The following HHAT variants were observed in gnomAD, a reference collection of about 807,000 sequenced individuals.
HHAT encodes the protein protein-cysteine N-palmitoyltransferase HHAT.
HHAT carries 47 observed loss-of-function variants against 70.8 expected under a neutral mutation model. The observed-to-expected ratio is 0.66, with a 90% CI of 0.53 to 0.85. HHAT has a LOEUF of 0.85. HHAT is among the 40% of genes least tolerant of loss of function. The pLI, the probability that HHAT is intolerant of heterozygous loss-of-function variation, is 0.00. For missense variants in HHAT, 609 were observed against 604.8 expected (o/e 1.01, Z -0.07); for synonymous variants, 228 against 247.6 (o/e 0.92, Z 0.74).
intron 11 of HHAT, among the ~76,000 whole-genome samples, chr1:210,655,809 C>T (rs1676271373): frequency 6.6e-6 from 1 of 152,178 alleles, no homozygotes; most frequent in African/African-American, 2.4e-5. Context: ...GACAAATGCC[C>T]CTCCTCTCCC....
At chr1:210,671,238 T>A (rs2148984542) in intron 11 of HHAT, among the ~76,000 whole-genome samples, 1 of 152,262 alleles carries the variant, frequency 6.6e-6, no homozygotes, top group East Asian at 1.9e-4. Flanking sequence ...TGCTGATGCC[T>A]CACTCCAAAC....
rs2094579831 is a variant in HHAT, at chr1:210,493,282, ATTCATTT to A, written c.1008-19869_1008-19863del. Among the ~76,000 whole-genome samples the A allele has an allele frequency of 2.0e-5, 3 of 152,248 alleles. No homozygotes were observed. In the South Asian group the frequency reaches 6.2e-4, roughly 32 times the overall value. On this transcript the variant is annotated intron_variant, in intron 8 of 11. Coordinates refer to ENST00000261458, the MANE Select transcript of HHAT (RefSeq NM_018194.6). The stretch of plus-strand genomic sequence containing the variant: ...TATACATACATATTTATATATATTT[ATTCATTT>A]TAAATAATTGGCAAATTCAAACTCT...
upstream of HHAT, chr1:210,328,363 C>A: frequency 6.6e-6 from 1 of 152,304 alleles, no homozygotes. Context: ...ATCTTCGTAC[C>A]CATTTTGCAG....
chr1:210,338,455 C>T (rs531805465), intron 1 of HHAT, among the ~76,000 whole-genome samples: 7 of 152,094 alleles, frequency 4.6e-5, no homozygotes, highest in Admixed American at 6.5e-5. Flanking sequence ...AACATTTGAA[C>T]GAGTATTATT....
chr1:210,485,151 A>G (rs1042876669), intron 8 of HHAT, among the ~76,000 whole-genome samples: 9 of 152,208 alleles, frequency 5.9e-5, no homozygotes, highest in Non-Finnish European at 1.0e-4. Context: ...GGAAAGAGAA[A>G]GAACAGAGCT....
At chr1:210,380,106 T>C (rs1463456998) in intron 3 of HHAT, among the ~76,000 whole-genome samples, 1 of 152,252 alleles carries the variant, frequency 6.6e-6, no homozygotes, top group African/African-American at 2.4e-5. Flanking sequence ...ACTCATTGTA[T>C]AATCATTCAA....
intron 9 of HHAT, among the ~76,000 whole-genome samples, chr1:210,575,396 C>G (rs1657465908): frequency 6.6e-6 from 1 of 152,166 alleles, no homozygotes; most frequent in African/African-American, 2.4e-5. Context: ...AGACTCAGCT[C>G]TGCAGCACTA....
intron 7 of HHAT, among the ~76,000 whole-genome samples, chr1:210,427,408 G>A (rs1350908139): frequency 2.6e-5 from 4 of 152,062 alleles, no homozygotes; most frequent in Admixed American, 6.6e-5. Flanking sequence ...TTATTAACTT[G>A]AGATCTTTCT....
rs1047804246 is a variant in HHAT at position 210,427,214 on chromosome 1, CTCTT to C, written c.856+8891_856+8894del. On this transcript the variant is annotated intron_variant, in intron 7 of 11. Transcript: ENST00000261458. ...CTTATTGTGTTCATTTGAATCTTCT[CTCTT>C]TATTAGTCTAGTTAGTGGTCTATTT... is the stretch of plus-strand genomic sequence containing the variant. Among the ~76,000 whole-genome samples, 24 of 152,056 alleles carry C rather than the reference CTCTT, an allele frequency of 1.6e-4. 1 individual carries two copies. Among genetic ancestry groups the C allele is most frequent in the African/African-American group, 4.8e-4 (20 of 41,488 alleles).
At chr1:210,418,032 A>T in intron 6 of HHAT, 122 bp from the exon 7 acceptor site, 9 of 939,472 alleles carry the variant, frequency 9.6e-6, no homozygotes, top group Non-Finnish European at 1.5e-5. Flanking sequence ...AGACAAACCA[A>T]ACCAACCCTC....
chr1:210,387,446 T>A lies in HHAT; in HGVS notation c.160-22T>A, dbSNP rs543982558. On this transcript the variant is annotated intron_variant, in intron 3 of 11. Coordinates refer to ENST00000261458, the MANE Select transcript of HHAT (RefSeq NM_018194.6). ...CAGACGTGTACTGAAATCCCTCTGA[T>A]AAACTATTTTGTCCTATTTAGGATG... 1.8e-5 allele frequency: 29 copies of A among 1,596,432 alleles called. 2 individuals carry two copies. Among genetic ancestry groups the A allele is most frequent in the Non-Finnish European group, 2.1e-5 (25 of 1,163,968 alleles).
At chr1:210,660,723 A>G (rs1039652444) in intron 11 of HHAT, among the ~76,000 whole-genome samples, 2 of 152,168 alleles carry the variant, frequency 1.3e-5, no homozygotes, top group African/African-American at 4.8e-5. Flanking sequence ...AGAGATATAG[A>G]CCAATGGAAC....
At chr1:210,387,318 G>C (rs2091152180) in intron 3 of HHAT, 150 bp from the exon 4 acceptor site, 1 of 653,922 alleles carries the variant, frequency 1.5e-6, no homozygotes, top group Non-Finnish European at 2.7e-6. Context: ...GGAGTGTACA[G>C]GTGGGTGGGG....
At chr1:210,419,597 C>A (rs1191197259) in intron 7 of HHAT, among the ~76,000 whole-genome samples, 1 of 152,176 alleles carries the variant, frequency 6.6e-6, no homozygotes, top group African/African-American at 2.4e-5. Context: ...AGCCTGACTC[C>A]TTCTTTATCT....
intron 8 of HHAT, among the ~76,000 whole-genome samples, chr1:210,493,508 G>A (rs771030367): frequency 2.6e-5 from 4 of 152,090 alleles, no homozygotes; most frequent in Non-Finnish European, 4.4e-5. Context: ...TGATTTAAAT[G>A]TTCATCATAT....
chr1:210,328,937 G>A lies in HHAT; in HGVS notation c.-211G>A, dbSNP rs886850658. The A allele has an allele frequency of 9.0e-7, 1 of 1,109,748 alleles. No homozygotes were observed. The highest frequency in any genetic ancestry group is 3.4e-5 in the South Asian group (1 of 29,154). The allele number at this position is 1,109,748 out of a possible 1,614,324, so 68.7% of individuals were successfully genotyped here. ...GCAGGGGCGTGCTCGGAGGACGCGC[G>A]CTGCGCTGCTCCTCCAAAGGGCAGC... On this transcript the variant is annotated 5_prime_UTR_variant, in exon 1 of 12. Coordinates refer to ENST00000261458, the MANE Select transcript of HHAT (RefSeq NM_018194.6).
chr1:210,529,007 C>T (rs569609692), intron 9 of HHAT, among the ~76,000 whole-genome samples: 2 of 152,138 alleles, frequency 1.3e-5, no homozygotes, highest in African/African-American at 2.4e-5. Context: ...AAATGGGTGC[C>T]GGGTGTGGTG....
intron 8 of HHAT, among the ~76,000 whole-genome samples, chr1:210,489,001 T>C (rs1385676649): frequency 2.6e-5 from 4 of 152,152 alleles, no homozygotes; most frequent in Non-Finnish European, 5.9e-5. Flanking sequence ...GAACTTTCCA[T>C]ACTAAAAAGT....
At chr1:210,596,303 T>C (rs1662989653) in intron 10 of HHAT, among the ~76,000 whole-genome samples, 2 of 152,202 alleles carry the variant, frequency 1.3e-5, no homozygotes, top group South Asian at 2.1e-4. Flanking sequence ...GGTAGTCTTA[T>C]GTGGGTTAAA....
Sources: gnomAD v4.1 joint callset for allele counts (sites outside exome capture counted in the v4.1 genomes callset) on GRCh38, gnomAD v4.1.1 for gene constraint, MANE v1.5 for transcripts, NCBI Gene and HGNC (gene_info 2026-07-23, HGNC 2026-07-21) for gene names.